Variants in MEGF8 observed in about 807,000 individuals in gnomAD.
MEGF8 encodes the protein multiple epidermal growth factor-like domains protein 8.
MEGF8 carries 156 observed loss-of-function variants against 302.9 expected under a neutral mutation model. That is an observed-to-expected ratio of 0.52 (90% CI 0.45 to 0.59). The LOEUF (loss-of-function observed/expected upper bound fraction) is 0.59, where lower values mean the gene tolerates loss of function less well. Among genes scored for constraint, MEGF8 ranks in the 20% least tolerant of loss-of-function variants. MEGF8 has a pLI of 0.00. For missense variants in MEGF8, 3,345 were observed against 3,964.5 expected (o/e 0.84, Z 4.20); for synonymous variants, 1,621 against 1,660.5 (o/e 0.98, Z 0.58).
chr19:42,334,939 G>A, intron 3 of MEGF8, 96 bp from the exon 4 acceptor site: 6 of 1,240,526 alleles, frequency 4.8e-6, no homozygotes, highest in Non-Finnish European at 4.4e-6. Context: ...TGCCCTGTCT[G>A]TCTCATTCTG....
At chr19:42,362,702 G>C in intron 34 of MEGF8, 105 bp downstream of exon 34, 1 of 1,324,048 alleles carries the variant, frequency 7.6e-7, no homozygotes, top group African/African-American at 1.5e-5. Context: ...GAGGGAGGAG[G>C]GGCTGGGGGC....
At chr19:42,349,730 GC>G in intron 14 of MEGF8, 31 bp downstream of exon 14, 1 of 1,596,932 alleles carries the variant, frequency 6.3e-7, no homozygotes, top group Middle Eastern at 1.7e-4. Context: ...TCCAACCCTA[GC>G]CGCAGGCCCC....
In MEGF8 at chr19:42,352,507, T is replaced by A; in HGVS notation, c.3350+51T>A. ...AGATGTTGCCCCAGGCTGGGGCACA[T>A]GGAGGTGGAGGGAGGAAGCCATCAT... On this transcript the variant is annotated intron_variant, in intron 19 of 41. Transcript: ENST00000251268. The surrounding 1 kb of genome is among the most constrained non-coding windows in gnomAD (Gnocchi z 4.4). The A allele has an allele frequency of 1.3e-6, 2 of 1,522,532 alleles. No individual in the cohort carries two copies. Among genetic ancestry groups the A allele is most frequent in the East Asian group, 4.8e-5 (2 of 41,890 alleles). 94.3% of individuals were successfully genotyped at this position (1,522,532 alleles called of 1,614,324 possible).
rs769196067 is a variant in MEGF8 at position 42,344,472 on chromosome 19, G to A, written c.1820G>A (p.Arg607His). 2.1e-5 allele frequency: 33 copies of A among 1,596,582 alleles called. No individual in the cohort carries two copies. The highest frequency in any genetic ancestry group is 4.0e-5 in the African/African-American group (3 of 74,828). The change falls in exon 11 of 42, where the codon CGC (arginine) becomes CAC (histidine). Residue 607 changes from arginine to histidine, a missense_variant. Coordinates refer to ENST00000251268, the MANE Select transcript of MEGF8 (RefSeq NM_001271938.2). The surrounding 1 kb of genome is among the most constrained non-coding windows in gnomAD (Gnocchi z 4.5). ...CPAASCLGLG[R>H]LLGDCQACLA... ...GCCGCCAGCTGCCTGGGCCTGGGCCGCCTCCTGGGTGACTGCCAGGCCTGC... is the reference window on the plus strand; with the variant it reads ...GCCGCCAGCTGCCTGGGCCTGGGCCACCTCCTGGGTGACTGCCAGGCCTGC...
chr19:42,335,158 C>T lies in MEGF8; in HGVS notation c.682C>T (p.Arg228Cys), dbSNP rs565934429. Residue 228 changes from arginine to cysteine, a missense_variant, in exon 4 of 42, where the codon CGT becomes TGT. By Grantham distance (180) the Arg-to-Cys change is radical. Transcript: ENST00000251268. ...VSARDPAFSA[R>C]IGAAGAFLSP... Reference sequence around the variant, plus strand: ...TGCCAGGGACCCTGCCTTCTCTGCCCGTATTGGGGCAGCTGGCGCCTTCCT... The same window carrying T: ...TGCCAGGGACCCTGCCTTCTCTGCCTGTATTGGGGCAGCTGGCGCCTTCCT... 22 of 1,613,760 alleles carry T rather than the reference C, an allele frequency of 1.4e-5. No individual in the cohort carries two copies. The highest frequency in any genetic ancestry group is 1.7e-5 in the Admixed American group (1 of 59,982).
Position 42,344,426 on chromosome 19 carries a change from C to T in MEGF8, c.1789-15C>T, listed in dbSNP as rs377227822. 3.2e-5 allele frequency: 50 copies of T among 1,570,544 alleles called. No homozygotes were observed. The highest frequency in any genetic ancestry group is 5.4e-5 in the African/African-American group (4 of 74,120). On this transcript the variant is annotated splice_polypyrimidine_tract_variant and intron_variant, in intron 10 of 41. Transcript: ENST00000251268. The surrounding 1 kb of genome is among the most constrained non-coding windows in gnomAD (Gnocchi z 4.5). ...TCCAGTTGACAGTGAGCCCTTTCCC[C>T]TCTCCTCCTCGCAGTGTCCAGCCGC...
chr19:42,335,848 T>A, intron 5 of MEGF8, 83 bp from the exon 6 acceptor site: 1 of 1,302,464 alleles, frequency 7.7e-7, no homozygotes, highest in Non-Finnish European at 1.0e-6. Flanking sequence ...TCCATGTTTC[T>A]CTGGCTCTGC....
At position 42,352,486 on chromosome 19, in the gene MEGF8, G is replaced by T. The variant is rs770589382; in HGVS notation, c.3350+30G>T. ...GTGAGGCGGGGGTTGCTATGGAGAT[G>T]TTGCCCCAGGCTGGGGCACATGGAG... On this transcript the variant is annotated intron_variant, in intron 19 of 41. Transcript: ENST00000251268. The surrounding 1 kb of genome is among the most constrained non-coding windows in gnomAD (Gnocchi z 4.4). 7 of 1,552,174 alleles carry T rather than the reference G, an allele frequency of 4.5e-6. No individual in the cohort carries two copies. Among genetic ancestry groups the T allele is most frequent in the South Asian group, 1.2e-5 (1 of 84,022 alleles).
In MEGF8 at chr19:42,376,724, G is replaced by T. The variant is rs773571688; in HGVS notation, c.8487G>T (p.Ala2829=). ...GAGGSGHGTG[A]GRKGLLSQDN... ...GGGGCAGTGGGCATGGGACTGGTGCGGGCCGGAAGGGACTGTTGAGCCAGG... is the reference window on the plus strand; with the variant it reads ...GGGGCAGTGGGCATGGGACTGGTGCTGGCCGGAAGGGACTGTTGAGCCAGG... Residue 2829 remains alanine (A), a synonymous_variant, in exon 42 of 42, where the codon GCG becomes GCT. Transcript: ENST00000251268. The surrounding 1 kb of genome is among the most constrained non-coding windows in gnomAD (Gnocchi z 8.2). The T allele has an allele frequency of 6.7e-7, 1 of 1,483,572 alleles. No homozygotes were observed. 91.9% of individuals were successfully genotyped at this position (1,483,572 alleles called of 1,614,324 possible).
chr19:42,370,143 C>G (rs766043228), intron 38 of MEGF8, 46 bp from the exon 39 acceptor site: 1 of 1,566,892 alleles, frequency 6.4e-7, no homozygotes, highest in Admixed American at 1.8e-5. Flanking sequence ...CCTCCTACCC[C>G]TGATGACTCT....
rs370464962 is a variant in MEGF8 at position 42,356,505 on chromosome 19, G to A, written c.4622+52G>A. The A allele has an allele frequency of 2.9e-6, 4 of 1,394,778 alleles. No homozygotes were observed. The highest frequency in any genetic ancestry group is 2.3e-5 in the Admixed American group (1 of 43,178). 86.4% of individuals were successfully genotyped at this position (1,394,778 alleles called of 1,614,324 possible). A position where few individuals can be genotyped will look rare whatever the true frequency, so the allele number is the denominator to read the frequency against. On this transcript the variant is annotated intron_variant, in intron 26 of 41. Transcript: ENST00000251268. This position sits in a 1 kb window ranked among gnomAD's most constrained non-coding sequence, Gnocchi z 5.2. Reference sequence around the variant, plus strand: ...TTCGCAAATAAGAGAAGGTCACCTCGGGATGCTAAGAGTCACCTCAGAGGA... The same window carrying A: ...TTCGCAAATAAGAGAAGGTCACCTCAGGATGCTAAGAGTCACCTCAGAGGA...
rs771168312 is a variant in MEGF8, at chr19:42,343,980, C to T, written c.1695C>T (p.Tyr565=). ...PDYHLDYCSM[Y]TDHSVCSRDP... ...ACCACTTGGACTACTGCTCCATGTA[C>T]ACAGACCACAGCGTCTGCTCCCGGG... The change falls in exon 10 of 42, where the codon TAC becomes TAT. Residue 565 remains tyrosine, a synonymous_variant. Transcript: ENST00000251268. The T allele has an allele frequency of 1.2e-6, 2 of 1,613,808 alleles. No individual in the cohort carries two copies. Among genetic ancestry groups the T allele is most frequent in the Middle Eastern group, 1.7e-4 (1 of 6,058 alleles).
chr19:42,370,521 A>G (rs1221523890), intron 39 of MEGF8, 162 bp downstream of exon 39: 4 of 853,798 alleles, frequency 4.7e-6, no homozygotes, highest in Non-Finnish European at 6.9e-6. Flanking sequence ...GGGGTCTTGA[A>G]CTCCTGGGTC....
Position 42,335,979 on chromosome 19 carries a change from C to A in MEGF8, c.877C>A (p.Leu293Met). 6.5e-7 allele frequency: 1 copy of A among 1,531,840 alleles called. No individual in the cohort carries two copies. Among genetic ancestry groups the A allele is most frequent in the Non-Finnish European group, 8.8e-7 (1 of 1,139,058 alleles). The allele number at this position is 1,531,840 out of a possible 1,614,324, so 94.9% of individuals were successfully genotyped here. The change falls in exon 6 of 42, where the codon CTG becomes ATG. Residue 293 changes from leucine (L) to methionine (M), a missense_variant. Physicochemically the swap from Leu to Met is conservative, Grantham distance 15. Transcript: ENST00000251268. ...CGTGGCCTGGGCCGGCTCCCTGGTA[C>A]TGATGGGTGGTGAGCTGGCTGACGG... Reference protein sequence around the residue: ...VAVAWAGSLVLMGGELADGSL... With the variant: ...VAVAWAGSLVMMGGELADGSL...
Position 42,326,221 on chromosome 19 carries a change from A to C in MEGF8, c.-23A>C, listed in dbSNP as rs750061301. The C allele has an allele frequency of 4.0e-6, 6 of 1,486,092 alleles. No homozygotes were observed. In the African/African-American group the frequency reaches 8.9e-5, roughly 22 times the overall value. 92.1% of individuals were successfully genotyped at this position (1,486,092 alleles called of 1,614,324 possible). On this transcript the variant is annotated 5_prime_UTR_variant, in exon 1 of 42. Coordinates refer to ENST00000251268, the MANE Select transcript of MEGF8 (RefSeq NM_001271938.2). ...GGTTTTTACGGCCTGTCCCCGCTCT[A>C]AGGGTCAGTGCAGGAGGCGGCGATG...
In MEGF8 at chr19:42,349,574, T is replaced by C. The variant is rs1402965580; in HGVS notation, c.2374T>C (p.Phe792Leu). Residue 792 changes from phenylalanine to leucine, a missense_variant, in exon 14 of 42, where the codon TTC (phenylalanine) becomes CTC (leucine). By Grantham distance (22) the Phe-to-Leu change is conservative (BLOSUM62 0). Coordinates refer to ENST00000251268, the MANE Select transcript of MEGF8 (RefSeq NM_001271938.2). ...RLQRPGSARL[F>L]PLPGRDHKYA... ...GCAGCGCCCTGGGTCTGCTCGCCTC[T>C]TCCCTCTGCCTGGGCGGGACCACAA... 6.2e-7 allele frequency: 1 copy of C among 1,611,962 alleles called. No homozygotes were observed. The highest frequency in any genetic ancestry group is 1.3e-5 in the African/African-American group (1 of 75,018).
rs1372970036 is a variant in MEGF8, at chr19:42,351,729, G to C, written c.3069G>C (p.Trp1023Cys). ...HECLQSHECGWCGNEDNPTLG... is the reference protein window; with the variant it reads ...HECLQSHECGCCGNEDNPTLG... ...GTCTGCAGAGCCACGAGTGTGGCTG[G>C]TGTGGCAATGAGGACAACCCCACAC... Residue 1023 changes from tryptophan to cysteine, a missense_variant, in exon 18 of 42, where the codon TGG becomes TGC. Coordinates refer to ENST00000251268, the MANE Select transcript of MEGF8 (RefSeq NM_001271938.2). This position sits in a 1 kb window ranked among gnomAD's most constrained non-coding sequence, Gnocchi z 5.6. The C allele has an allele frequency of 6.3e-7, 1 of 1,588,806 alleles. No homozygotes were observed. The highest frequency in any genetic ancestry group is 8.6e-7 in the Non-Finnish European group (1 of 1,168,436).
At chr19:42,329,462 G>A (rs2039027489) in intron 1 of MEGF8, among the ~76,000 whole-genome samples, 2 of 152,172 alleles carry the variant, frequency 1.3e-5, no homozygotes. Context: ...GTTGGGGTGA[G>A]GGAGGAGGCT....
chr19:42,364,481 A>T (rs1290807247), intron 35 of MEGF8, among the ~76,000 whole-genome samples: 1 of 152,210 alleles, frequency 6.6e-6, no homozygotes, highest in Non-Finnish European at 1.5e-5. Flanking sequence ...CCCAGACACT[A>T]GTAGACAACA....
Sources: gnomAD v4.1 joint callset for allele counts (sites outside exome capture counted in the v4.1 genomes callset) on GRCh38, gnomAD v4.1.1 for gene constraint, Gnocchi (gnomAD v3.1) non-coding constraint, MANE v1.5 for transcripts, NCBI Gene and HGNC (gene_info 2026-07-23, HGNC 2026-07-21) for gene names.